The following CDH7 variants were observed in gnomAD, a reference collection of about 807,000 sequenced individuals.
CDH7 encodes the protein cadherin 7.
A neutral mutation model predicts 71.8 loss-of-function variants in CDH7; 25 were observed. The observed-to-expected ratio is 0.35, with a 90% CI of 0.25 to 0.49. The LOEUF (loss-of-function observed/expected upper bound fraction) is 0.49, where lower values mean the gene tolerates loss of function less well. Among genes scored for constraint, CDH7 ranks in the 20% least tolerant of loss-of-function variants. CDH7 has a pLI of 0.99. For missense variants in CDH7, 862 were observed against 974.6 expected, an observed-to-expected ratio of 0.88 and a Z score of 1.54; for synonymous variants, 381 against 363.8, an observed-to-expected ratio of 1.05 and a Z score of -0.54.
rs1914270607 is a variant in CDH7, at chr18:65,882,863, TAC to T, written c.*1971_*1972del. 6.6e-6 allele frequency: 1 copy of T among 152,140 alleles called. No homozygotes were observed. Among genetic ancestry groups the T allele is most frequent in the Admixed American group, 6.5e-5 (1 of 15,274 alleles). The allele number at this position is 152,140 out of a possible 1,614,324, so 9.4% of individuals were successfully genotyped here. A position where few individuals can be genotyped will look rare whatever the true frequency, so the allele number is the denominator to read the frequency against. On this transcript the variant is annotated 3_prime_UTR_variant, in exon 12 of 12. Transcript: ENST00000397968. ...TAAAATCAGAGTGTGGTGCAGGAAT[TAC>T]AGAGTTGTTAAGTCAGCAAGGTGCT...
At chr18:65,819,735 G>T (rs1188395481) in intron 4 of CDH7, among the ~76,000 whole-genome samples, 3 of 151,938 alleles carry the variant, frequency 2.0e-5, no homozygotes, top group Non-Finnish European at 4.4e-5. Context: ...GCAATATTGA[G>T]ATTCCCCTTG....
chr18:65,880,321 C>T (rs1281163945), intron 11 of CDH7, 80 bp from the exon 12 acceptor site: 5 of 1,384,554 alleles, frequency 3.6e-6, no homozygotes, highest in African/African-American at 1.4e-5. Context: ...TGTAACTCAG[C>T]GTCCTAGGCC....
At position 65,835,840 on chromosome 18, in the gene CDH7, A is replaced by T. The variant is rs73524529; in HGVS notation, c.982-7972A>T. On this transcript the variant is annotated intron_variant, in intron 6 of 11. Transcript: ENST00000397968. ...GCCTCCTCCTCAAAAAGATATTCAC[A>T]GAATATGTGAACGTTTTACCTTATG... is the stretch of plus-strand genomic sequence containing the variant. Among the ~76,000 whole-genome samples, 763 of 152,336 alleles carry T rather than the reference A, an allele frequency of 5.0e-3. 7 individuals are homozygous for T. The highest frequency in any genetic ancestry group is 0.018 in the African/African-American group (737 of 41,582).
intron 2 of CDH7, among the ~76,000 whole-genome samples, chr18:65,772,148 T>C (rs1916562792): frequency 6.6e-6 from 1 of 152,180 alleles, no homozygotes; most frequent in Admixed American, 6.6e-5. Flanking sequence ...ATACATAATG[T>C]TCAACAGATG....
rs764498172 is a variant in CDH7, at chr18:65,843,941, G to A, written c.1111G>A (p.Val371Ile). ...TTTVKIIVED[V>I]DEPPVFSSPL... ...AACTGTGAAGATAATTGTGGAAGAT[G>A]TAGATGAGCCCCCTGTGTTCTCTTC... The change falls in exon 7 of 12, where the codon GTA (valine) becomes ATA (isoleucine). Residue 371 changes from valine to isoleucine, a missense_variant. Coordinates refer to ENST00000397968, the MANE Select transcript of CDH7 (RefSeq NM_004361.5). 1.2e-5 allele frequency: 20 copies of A among 1,611,654 alleles called. No individual in the cohort carries two copies. The highest frequency in any genetic ancestry group is 9.4e-5 in the African/African-American group (7 of 74,680).
At chr18:65,862,969 T>A (rs1293585794) in intron 11 of CDH7, 52 bp downstream of exon 11, 2 of 1,567,376 alleles carry the variant, frequency 1.3e-6, no homozygotes, top group Non-Finnish European at 1.7e-6. Context: ...AATAACCACA[T>A]GTCACGACTT....
intron 2 of CDH7, among the ~76,000 whole-genome samples, chr18:65,778,228 T>G (rs2143821621): frequency 7.2e-6 from 1 of 138,052 alleles, no homozygotes; most frequent in South Asian, 2.2e-4. Context: ...GCCGAGATCA[T>G]GCTACTGCAC....
At chr18:65,767,396 G>T (rs1012549190) in intron 2 of CDH7, among the ~76,000 whole-genome samples, 2 of 152,060 alleles carry the variant, frequency 1.3e-5, no homozygotes, top group South Asian at 2.1e-4. Flanking sequence ...TTACAAATTA[G>T]ATTCCTTAAC....
chr18:65,759,112 A>G (rs898547636), intron 1 of CDH7, among the ~76,000 whole-genome samples: 5 of 152,234 alleles, frequency 3.3e-5, no homozygotes, highest in African/African-American at 7.2e-5. Context: ...ATGGAAGAGA[A>G]ATAATCTTCA....
chr18:65,814,462 G>T (rs550874474), intron 3 of CDH7, 23 bp from the exon 4 acceptor site: 1 of 1,613,678 alleles, frequency 6.2e-7, no homozygotes. Flanking sequence ...TTTTAATTCA[G>T]TGGTTTTGGG....
intron 11 of CDH7, among the ~76,000 whole-genome samples, chr18:65,870,921 A>G (rs910126142): frequency 6.6e-6 from 1 of 152,168 alleles, no homozygotes; most frequent in Non-Finnish European, 1.5e-5. Flanking sequence ...TAGAGACAAT[A>G]TTTTTAATCC....
intron 1 of CDH7, among the ~76,000 whole-genome samples, chr18:65,756,826 A>T (rs1916042896): frequency 6.6e-6 from 1 of 152,266 alleles, no homozygotes; most frequent in Non-Finnish European, 1.5e-5. Context: ...TCTAGAAAGC[A>T]TACAGCACTG....
At chr18:65,843,563 G>A (rs141882556) in intron 6 of CDH7, among the ~76,000 whole-genome samples, 1 of 152,096 alleles carries the variant, frequency 6.6e-6, no homozygotes, top group African/African-American at 2.4e-5. Context: ...CCAAAGACTG[G>A]CATCTGTCTG....
intron 2 of CDH7, among the ~76,000 whole-genome samples, chr18:65,792,586 A>G (rs927663812): frequency 7.9e-5 from 12 of 152,114 alleles, no homozygotes; most frequent in African/African-American, 2.7e-4. Context: ...GTGTTCTGGA[A>G]TAGTAGGTTT....
chr18:65,835,744 C>G (rs2143969724), intron 6 of CDH7, among the ~76,000 whole-genome samples: 1 of 152,274 alleles, frequency 6.6e-6, no homozygotes, highest in East Asian at 1.9e-4. Flanking sequence ...GGCTTGTTTT[C>G]TACTTTATGC....
chr18:65,810,241 C>G (rs17075231), intron 3 of CDH7, among the ~76,000 whole-genome samples: 2,330 of 152,194 alleles, frequency 0.015, 51 homozygotes, highest in African/African-American at 0.052. Flanking sequence ...TCAGTGTTTT[C>G]AGGAAATTAC....
At chr18:65,864,799 G>A (rs368417613) in intron 11 of CDH7, among the ~76,000 whole-genome samples, 1 of 150,848 alleles carries the variant, frequency 6.6e-6, no homozygotes, top group Non-Finnish European at 1.5e-5. Flanking sequence ...GCTGAGGCAG[G>A]AGAATGGCGT....
chr18:65,778,462 G>A (rs1269670446), intron 2 of CDH7, among the ~76,000 whole-genome samples: 1 of 144,672 alleles, frequency 6.9e-6, no homozygotes, highest in Non-Finnish European at 1.5e-5. Context: ...CTCCTCTTCT[G>A]CAATCAGCAC....
At chr18:65,768,056 G>A (rs2143800372) in intron 2 of CDH7, among the ~76,000 whole-genome samples, 1 of 152,214 alleles carries the variant, frequency 6.6e-6, no homozygotes, top group South Asian at 2.1e-4. Flanking sequence ...GCCAAACTAG[G>A]TACTCTAGAT....
Sources: allele counts gnomAD v4.1 joint callset (sites outside exome capture counted in the v4.1 genomes callset), GRCh38; gene constraint gnomAD v4.1.1; transcripts MANE v1.5; gene names NCBI Gene and HGNC (gene_info 2026-07-23, HGNC 2026-07-21).